The following HDC variants were observed in gnomAD, a reference collection of about 807,000 sequenced individuals.
HDC encodes histidine decarboxylase.
Under a neutral mutation model 64.4 loss-of-function variants are expected in HDC, and 27 were observed. The observed-to-expected ratio is 0.42, with a 90% confidence interval of 0.31 to 0.58. HDC has a LOEUF of 0.58. Among genes scored for constraint, HDC ranks in the 20% least tolerant of loss-of-function variants. The pLI, the probability that HDC is intolerant of heterozygous loss-of-function variation, is 0.16. For synonymous variants in HDC, 305 were observed against 314.2 expected (o/e 0.97, Z 0.31); for missense variants, 711 against 833.9 (o/e 0.85, Z 1.81).
At chr15:50,264,928 G>A (rs1003897961) in intron 1 of HDC, among the ~76,000 whole-genome samples, 1 of 152,196 alleles carries the variant, frequency 6.6e-6, no homozygotes, top group African/African-American at 2.4e-5. Context: ...AATATCCACA[G>A]GAACTTGCTC....
intron 10 of HDC, among the ~76,000 whole-genome samples, chr15:50,246,204 T>A (rs1453352448): frequency 6.6e-6 from 1 of 152,224 alleles, no homozygotes; most frequent in South Asian, 2.1e-4. Flanking sequence ...GGCACTGTGC[T>A]AAGGATCTAA....
At position 50,242,720 on chromosome 15, in the gene HDC, C is replaced by A. The variant is rs767448591; in HGVS notation, c.1529G>T (p.Ser510Ile). 2 of 1,613,986 alleles carry A rather than the reference C, an allele frequency of 1.2e-6. No homozygotes were observed. Among genetic ancestry groups the A allele is most frequent in the Non-Finnish European group, 1.7e-6 (2 of 1,180,022 alleles). ...CTGGACTGGATCATCTCCTGCCCCA[C>A]TGACAGACTGAAGGGACGTTCCACA... ...WACGTSLQSVSGAGDDPVQAR... is the reference protein window; with the variant it reads ...WACGTSLQSVIGAGDDPVQAR... Residue 510 changes from serine (S) to isoleucine (I), a missense_variant, in exon 12 of 12, where the codon AGT (serine) becomes ATT (isoleucine). Ser to Ile is a moderately radical substitution (Grantham distance 142). This residue lies in a region of HDC where 483 missense variants were observed against 540.9 expected (regional missense o/e 0.89). Transcript: ENST00000267845.
rs778279040 is a variant in HDC, at chr15:50,243,010, T to G, written c.1243-4A>C. ...TTTCTGTGAGACAATTAGGACCCTG[T>G]TTGAAAAATAAAGGAAGTGAAGTCT... On this transcript the variant is annotated splice_region_variant and splice_polypyrimidine_tract_variant and intron_variant, in intron 11 of 11. Transcript: ENST00000267845. 2.0e-5 allele frequency: 33 copies of G among 1,614,082 alleles called. No homozygotes were observed. Among genetic ancestry groups the G allele is most frequent in the Non-Finnish European group, 2.8e-5 (33 of 1,180,016 alleles).
At chr15:50,257,006 C>T (rs758178955) in intron 4 of HDC, among the ~76,000 whole-genome samples, 5 of 152,136 alleles carry the variant, frequency 3.3e-5, no homozygotes, top group Non-Finnish European at 5.9e-5. Context: ...CAGAGGATAC[C>T]GTTAATCAGT....
intron 4 of HDC, 110 bp from the exon 5 acceptor site, chr15:50,254,774 CTCTGTG>C: frequency 1.1e-5 from 10 of 926,216 alleles, no homozygotes; most frequent in South Asian, 1.4e-5. Context: ...CTCTCTCTCT[CTCTGTG>C]TGTGTATGTG....
intron 2 of HDC, among the ~76,000 whole-genome samples, chr15:50,262,426 G>A (rs113142532): frequency 0.044 from 6,711 of 152,270 alleles, 222 homozygotes; most frequent in Admixed American, 0.065. Context: ...CTGGCACATG[G>A]CAGGGAGCCC....
chr15:50,265,517 T>C, intron 1 of HDC, 76 bp downstream of exon 1: 2 of 1,357,192 alleles, frequency 1.5e-6, no homozygotes, highest in Non-Finnish European at 2.1e-6. Context: ...CACCCCAGAA[T>C]CTAAGGGCCA....
intron 4 of HDC, among the ~76,000 whole-genome samples, chr15:50,256,329 A>G (rs562104698): frequency 6.6e-5 from 10 of 152,306 alleles, no homozygotes; most frequent in South Asian, 2.1e-4. Context: ...TGAGAGAGGG[A>G]GTCACTTAGC....
chr15:50,254,047 T>C (rs1272202656), intron 6 of HDC, 83 bp downstream of exon 6: 4 of 1,437,242 alleles, frequency 2.8e-6, no homozygotes, highest in African/African-American at 2.8e-5. Flanking sequence ...GTGTGCAGCA[T>C]GTTACTTACC....
intron 2 of HDC, among the ~76,000 whole-genome samples, chr15:50,262,033 T>C (rs2045711084): frequency 6.6e-6 from 1 of 151,914 alleles, no homozygotes; most frequent in Admixed American, 6.6e-5. Flanking sequence ...AAGTCAAAAG[T>C]TCTTTGGGAA....
At chr15:50,261,452 G>C (rs2045701339) in intron 2 of HDC, among the ~76,000 whole-genome samples, 4 of 152,052 alleles carry the variant, frequency 2.6e-5, no homozygotes, top group Admixed American at 2.0e-4. Flanking sequence ...TGTGAAATAG[G>C]CTGAATGGTC....
In HDC at chr15:50,252,454, G is replaced by A. The variant is rs1410775447; in HGVS notation, c.1017C>T (p.Asn339=). The change falls in exon 9 of 12, where the codon AAC becomes AAT. Residue 339 remains asparagine (N), a synonymous_variant. Coordinates refer to ENST00000267845, the MANE Select transcript of HDC (RefSeq NM_002112.4). ...SVNPIYLRHA[N]SGVATDFMHW... ...CCATGAAGTCGGTGGCCACGCCTGA[G>A]TTGGCATGCCTGAGGTAGATGGGAT... 1 of 1,614,048 alleles carries A rather than the reference G, an allele frequency of 6.2e-7. No individual in the cohort carries two copies. The highest frequency in any genetic ancestry group is 8.5e-7 in the Non-Finnish European group (1 of 1,180,038).
chr15:50,242,577 G>A lies in HDC; in HGVS notation c.1672C>T (p.Pro558Ser). 2 of 1,614,130 alleles carry A rather than the reference G, an allele frequency of 1.2e-6. No homozygotes were observed. The highest frequency in any genetic ancestry group is 1.1e-5 in the South Asian group (1 of 91,074). The change falls in exon 12 of 12, where the codon CCA (proline) becomes TCA (serine). Residue 558 changes from proline to serine, a missense_variant. Pro to Ser is a moderately conservative substitution (Grantham distance 74). Around this residue, in one of 3 missense-constraint regions of HDC, gnomAD observed 483 missense variants for 540.9 expected, o/e 0.89. Transcript: ENST00000267845. The part of the protein sequence containing the change: ...PVDDCFSEEA[P>S]DATKHKLSSF... ...GACAGCTTGTGCTTGGTGGCATCTG[G>A]GGCCTCTTCTGAAAAGCAGTCATCA...
chr15:50,247,999 G>C (rs1433074411), intron 10 of HDC, among the ~76,000 whole-genome samples: 1 of 152,194 alleles, frequency 6.6e-6, no homozygotes, highest in Non-Finnish European at 1.5e-5. Context: ...AGTGCTCAGT[G>C]ACAGCAAGGG....
chr15:50,254,737 TTTC>T (rs1555503920), intron 4 of HDC, 73 bp from the exon 5 acceptor site: 4 of 875,726 alleles, frequency 4.6e-6, no homozygotes, highest in Non-Finnish European at 4.6e-6. Context: ...TTTCTAGTTT[TTTC>T]TCTCTCTCTC....
At chr15:50,256,965 C>T (rs149748101) in intron 4 of HDC, among the ~76,000 whole-genome samples, 4 of 152,262 alleles carry the variant, frequency 2.6e-5, no homozygotes, top group African/African-American at 7.2e-5. Flanking sequence ...TTTGAAGAAC[C>T]ATAATTTGAC....
chr15:50,256,101 C>T (rs572937873), intron 4 of HDC, among the ~76,000 whole-genome samples: 5 of 152,330 alleles, frequency 3.3e-5, no homozygotes, highest in Middle Eastern at 3.4e-3. Flanking sequence ...AACTTCAGTG[C>T]TCTTATCTCA....
intron 4 of HDC, among the ~76,000 whole-genome samples, chr15:50,255,829 TCCA>T (rs1595708382): frequency 6.6e-6 from 1 of 152,242 alleles, no homozygotes; most frequent in East Asian, 1.9e-4. Flanking sequence ...AACAACACCT[TCCA>T]TCTGTATTGC....
chr15:50,263,211 G>A, intron 2 of HDC, 24 bp downstream of exon 2: 1 of 1,612,716 alleles, frequency 6.2e-7, no homozygotes, highest in Non-Finnish European at 8.5e-7. Context: ...ATCCAGAACT[G>A]CCCTTGTGGT....
Sources: allele counts gnomAD v4.1 joint callset (sites outside exome capture counted in the v4.1 genomes callset), GRCh38; gene constraint gnomAD v4.1.1; regional missense constraint gnomAD v4.1.1; transcripts MANE v1.5; gene names NCBI Gene and HGNC (gene_info 2026-07-23, HGNC 2026-07-21).